Variants in SLC44A5 observed in about 807,000 individuals in gnomAD.
SLC44A5 encodes the protein solute carrier family 44 member 5.
A neutral mutation model predicts 101.8 loss-of-function variants in SLC44A5; 57 were observed. The ratio of observed to expected loss-of-function variants is 0.56; its 90% confidence interval spans 0.45 to 0.70. The LOEUF is 0.70. Among genes scored for constraint, SLC44A5 ranks in the 30% least tolerant of loss-of-function variants. The pLI is 0.00. For synonymous variants in SLC44A5, 281 were observed against 290.9 expected (o/e 0.97, Z 0.35); for missense variants, 737 against 853.1 (o/e 0.86, Z 1.70).
chr1:75,235,310 A>G (rs924519264), intron 11 of SLC44A5, among the ~76,000 whole-genome samples: 7 of 152,108 alleles, frequency 4.6e-5, no homozygotes, highest in African/African-American at 1.7e-4. Flanking sequence ...AATAAATAAG[A>G]GCAGAAGAAT....
chr1:75,395,486 TTAAG>T (rs1382029509), intron 3 of SLC44A5, among the ~76,000 whole-genome samples: 1 of 152,148 alleles, frequency 6.6e-6, no homozygotes, highest in Non-Finnish European at 1.5e-5. Context: ...TCATATATGA[TTAAG>T]TAACAAAATC....
rs1654725492 is a variant in SLC44A5, at chr1:75,304,110, G to A, written c.102-3425C>T. Among the ~76,000 whole-genome samples the A allele has an allele frequency of 2.6e-5, 4 of 151,966 alleles. No individual in the cohort carries two copies. In the South Asian group the frequency reaches 8.3e-4, roughly 32 times the overall value. ...GTCTGCTTTGTTTTTCTGGTACACT[G>A]CTTTAGAGAAATGGCAGACCATACC... On this transcript the variant is annotated intron_variant, in intron 4 of 23. Transcript: ENST00000370859.
chr1:75,252,298 T>C (rs1649643029), intron 6 of SLC44A5, among the ~76,000 whole-genome samples: 1 of 152,220 alleles, frequency 6.6e-6, no homozygotes, highest in African/African-American at 2.4e-5. Flanking sequence ...ACTACATGCA[T>C]AGCACAAAAT....
chr1:75,719,079 G>A, the SLC44A5 span, among the ~76,000 whole-genome samples: 1 of 152,110 alleles, frequency 6.6e-6, no homozygotes, highest in Admixed American at 6.6e-5. Flanking sequence ...GGGAATTGAA[G>A]TTGACTGCAG....
chr1:75,719,228 G>A, the SLC44A5 span, among the ~76,000 whole-genome samples: 8 of 152,132 alleles, frequency 5.3e-5, no homozygotes, highest in Non-Finnish European at 1.0e-4. Context: ...ATTTGTACAG[G>A]TATTATAAAT....
intron 4 of SLC44A5, among the ~76,000 whole-genome samples, chr1:75,330,261 G>T (rs76515275): frequency 0.085 from 12,844 of 151,144 alleles, 660 homozygotes; most frequent in Middle Eastern, 0.13. Flanking sequence ...AATGTGTGCT[G>T]CATATTTTCT....
At chr1:75,594,633 TTTC>T (rs1420846211) in intron 1 of SLC44A5, among the ~76,000 whole-genome samples, 1 of 152,012 alleles carries the variant, frequency 6.6e-6, no homozygotes, top group African/African-American at 2.4e-5. Flanking sequence ...AATGCTATGC[TTTC>T]TTATCTTTAT....
chr1:75,633,009 A>G, the SLC44A5 span, among the ~76,000 whole-genome samples: 1 of 152,154 alleles, frequency 6.6e-6, no homozygotes, highest in Non-Finnish European at 1.5e-5. Context: ...TTGTTTGTTC[A>G]TTTTAGCAGG....
At chr1:75,694,137 G>C in the SLC44A5 span, among the ~76,000 whole-genome samples, 1 of 151,394 alleles carries the variant, frequency 6.6e-6, no homozygotes, top group Middle Eastern at 3.4e-3. Flanking sequence ...ATGTAGAAGA[G>C]GAAAATAAGA....
intron 2 of SLC44A5, among the ~76,000 whole-genome samples, chr1:75,422,933 T>C (rs541627064): frequency 2.0e-5 from 3 of 152,320 alleles, no homozygotes; most frequent in Non-Finnish European, 4.4e-5. Flanking sequence ...AGACCTCTTC[T>C]CTTCCTGTTG....
intron 3 of SLC44A5, among the ~76,000 whole-genome samples, chr1:75,350,209 A>G (rs1469748999): frequency 6.6e-6 from 1 of 152,024 alleles, no homozygotes; most frequent in Admixed American, 6.6e-5. Context: ...AGAAGAGGAA[A>G]GGAGACCAGT....
chr1:75,552,512 T>C (rs1450360560), intron 1 of SLC44A5, among the ~76,000 whole-genome samples: 1 of 152,066 alleles, frequency 6.6e-6, no homozygotes, highest in Non-Finnish European at 1.5e-5. Context: ...CAGACTCTCA[T>C]ATAGGCATTC....
the SLC44A5 span, among the ~76,000 whole-genome samples, chr1:75,678,810 C>T: frequency 5.9e-5 from 9 of 152,080 alleles, no homozygotes; most frequent in Non-Finnish European, 8.8e-5. Flanking sequence ...GATCAAATTA[C>T]CCTGAGCTAT....
intron 23 of SLC44A5, among the ~76,000 whole-genome samples, chr1:75,209,787 G>A (rs1326334988): frequency 6.6e-6 from 1 of 152,156 alleles, no homozygotes; most frequent in Non-Finnish European, 1.5e-5. Flanking sequence ...AATGCAAACT[G>A]TAAATTTTAT....
At chr1:75,286,551 T>G (rs1368892993) in intron 5 of SLC44A5, among the ~76,000 whole-genome samples, 1 of 152,124 alleles carries the variant, frequency 6.6e-6, no homozygotes, top group East Asian at 1.9e-4. Context: ...TTTCATTGTG[T>G]TATTGTTTTA....
intron 3 of SLC44A5, among the ~76,000 whole-genome samples, chr1:75,340,234 T>C (rs1439364551): frequency 6.6e-6 from 1 of 152,204 alleles, no homozygotes; most frequent in African/African-American, 2.4e-5. Context: ...TGCATTATGA[T>C]TGTGATATAT....
At chr1:75,696,710 A>G in the SLC44A5 span, among the ~76,000 whole-genome samples, 1 of 151,738 alleles carries the variant, frequency 6.6e-6, no homozygotes, top group African/African-American at 2.4e-5. Context: ...CCTGGCTAAC[A>G]TGGTGAAACC....
intron 4 of SLC44A5, among the ~76,000 whole-genome samples, chr1:75,322,991 G>C (rs1248822208): frequency 6.6e-6 from 1 of 151,392 alleles, no homozygotes; most frequent in African/African-American, 2.4e-5. Context: ...TGCACATTGT[G>C]CAGGTTAGTT....
intron 5 of SLC44A5, among the ~76,000 whole-genome samples, chr1:75,289,781 A>T (rs895982053): frequency 6.6e-6 from 1 of 152,198 alleles, no homozygotes; most frequent in Non-Finnish European, 1.5e-5. Context: ...CTGGTTGTCT[A>T]CTTTGACCGA....
Sources: allele counts gnomAD v4.1 joint callset (sites outside exome capture counted in the v4.1 genomes callset), GRCh38; gene constraint gnomAD v4.1.1; transcripts MANE v1.5; gene names NCBI Gene and HGNC (gene_info 2026-07-23, HGNC 2026-07-21).